SDK1: variants seen among roughly 807,000 people sequenced by gnomAD.
SDK1 encodes protein sidekick-1.
Under a neutral mutation model 245.5 loss-of-function variants are expected in SDK1, and 157 were observed. The ratio of observed to expected loss-of-function variants is 0.64; its 90% CI spans 0.56 to 0.73. The LOEUF is 0.73. Ranked by LOEUF, SDK1 falls within the 30% of genes least tolerant of loss-of-function variation. The pLI, the probability that SDK1 is intolerant of heterozygous loss-of-function variation, is 0.00. For missense variants in SDK1, 3,583 were observed against 3,002.3 expected, an observed-to-expected ratio of 1.19 and a Z score of -4.52; for synonymous variants, 1,647 against 1,278.5, an observed-to-expected ratio of 1.29 and a Z score of -6.15.
chr7:4,061,165 C>G (rs1296689048), intron 19 of SDK1, among the ~76,000 whole-genome samples: 1 of 151,760 alleles, frequency 6.6e-6, no homozygotes, highest in Non-Finnish European at 1.5e-5. Context: ...GTAGTTTTTT[C>G]CAATTCTGTG....
chr7:3,602,992 A>G (rs1034984116), intron 1 of SDK1, among the ~76,000 whole-genome samples: 3 of 152,100 alleles, frequency 2.0e-5, no homozygotes, highest in Non-Finnish European at 4.4e-5. Context: ...AGTTGTAGAT[A>G]TACATGCAGC....
intron 4 of SDK1, among the ~76,000 whole-genome samples, chr7:3,782,808 G>A (rs1780784539): frequency 6.6e-6 from 1 of 152,152 alleles, no homozygotes; most frequent in Admixed American, 6.5e-5. Flanking sequence ...TTATTGTAAA[G>A]TTGAAAAATT....
intron 41 of SDK1, among the ~76,000 whole-genome samples, chr7:4,236,308 C>G (rs1476053000): frequency 6.6e-6 from 1 of 152,206 alleles, no homozygotes; most frequent in African/African-American, 2.4e-5. Context: ...GACCACCCAG[C>G]ACCCATCAAG....
chr7:4,076,906 T>A, intron 20 of SDK1, 92 bp from the exon 21 acceptor site: 1 of 1,145,180 alleles, frequency 8.7e-7, no homozygotes, highest in Non-Finnish European at 1.3e-6. Flanking sequence ...AAGCTCTCCA[T>A]AGCTCCAAGC....
chr7:4,088,149 T>A (rs1256334934), intron 22 of SDK1, among the ~76,000 whole-genome samples: 2 of 152,158 alleles, frequency 1.3e-5, no homozygotes, highest in Admixed American at 1.3e-4. Context: ...ACCTCGGAAG[T>A]CTGTGGCTGC....
At chr7:4,043,381 G>C (rs1281919336) in intron 17 of SDK1, among the ~76,000 whole-genome samples, 2 of 151,754 alleles carry the variant, frequency 1.3e-5, no homozygotes, top group Non-Finnish European at 2.9e-5. Context: ...GAGTGTCACA[G>C]CCAGGGACTC....
At chr7:3,317,715 G>C (rs1277119281) in intron 1 of SDK1, among the ~76,000 whole-genome samples, 1 of 152,166 alleles carries the variant, frequency 6.6e-6, no homozygotes, top group Non-Finnish European at 1.5e-5. Flanking sequence ...TCATGTTTAG[G>C]ATATGAGCAT....
chr7:4,072,532 C>G (rs1406106092), intron 20 of SDK1, among the ~76,000 whole-genome samples: 2 of 152,234 alleles, frequency 1.3e-5, no homozygotes, highest in East Asian at 3.8e-4. Context: ...ACCATGTAGA[C>G]ATAGTTTTCC....
intron 4 of SDK1, among the ~76,000 whole-genome samples, chr7:3,774,274 G>C (rs558407232): frequency 6.6e-5 from 10 of 152,110 alleles, no homozygotes; most frequent in African/African-American, 2.4e-4. Flanking sequence ...CACTTTAGGT[G>C]GTTGGTAGAG....
intron 4 of SDK1, among the ~76,000 whole-genome samples, chr7:3,803,208 A>G (rs1412630346): frequency 6.6e-6 from 1 of 152,094 alleles, no homozygotes; most frequent in Non-Finnish European, 1.5e-5. Context: ...AGTGATGCTC[A>G]ACACTTTTTA....
intron 1 of SDK1, among the ~76,000 whole-genome samples, chr7:3,488,849 G>A (rs1781782245): frequency 1.3e-5 from 2 of 151,930 alleles, no homozygotes; most frequent in Non-Finnish European, 2.9e-5. Flanking sequence ...ACACTCACAT[G>A]AGAGGTTGCA....
intron 26 of SDK1, chr7:4,129,588 T>G: frequency 1.0e-6 from 1 of 1,002,026 alleles, no homozygotes. Context: ...TCTGTGTTCA[T>G]AATCGAGTCT....
intron 1 of SDK1, among the ~76,000 whole-genome samples, chr7:3,350,964 G>A (rs145828800): frequency 6.6e-6 from 1 of 152,184 alleles, no homozygotes; most frequent in Non-Finnish European, 1.5e-5. Flanking sequence ...AACACAATTA[G>A]TGACATCTGG....
intron 1 of SDK1, among the ~76,000 whole-genome samples, chr7:3,585,257 A>G (rs1246823619): frequency 6.6e-6 from 1 of 152,212 alleles, no homozygotes; most frequent in Non-Finnish European, 1.5e-5. Flanking sequence ...GAACTCAGAC[A>G]TTGAGCTTTA....
intron 4 of SDK1, among the ~76,000 whole-genome samples, chr7:3,660,096 G>A (rs1783306669): frequency 6.6e-6 from 1 of 152,072 alleles, no homozygotes; most frequent in Admixed American, 6.6e-5. Flanking sequence ...ACAGAATATT[G>A]GGGACAATTT....
intron 1 of SDK1, among the ~76,000 whole-genome samples, chr7:3,345,668 G>C (rs1780472626): frequency 6.6e-6 from 1 of 152,094 alleles, no homozygotes; most frequent in African/African-American, 2.4e-5. Context: ...TGGTGGCACG[G>C]CTGAAAAGAC....
chr7:3,522,564 C>T (rs1782977597), intron 1 of SDK1, among the ~76,000 whole-genome samples: 1 of 151,924 alleles, frequency 6.6e-6, no homozygotes, highest in African/African-American at 2.4e-5. Flanking sequence ...TGGGTCCTGG[C>T]TCATAGAAGG....
At chr7:3,871,325 G>T (rs930500769) in intron 5 of SDK1, among the ~76,000 whole-genome samples, 1 of 152,148 alleles carries the variant, frequency 6.6e-6, no homozygotes, top group East Asian at 1.9e-4. Context: ...CACAGATTCT[G>T]TGGGAGTTTC....
At chr7:3,559,709 C>A (rs1030621258) in intron 1 of SDK1, among the ~76,000 whole-genome samples, 6 of 149,572 alleles carry the variant, frequency 4.0e-5, no homozygotes, top group African/African-American at 1.5e-4. Context: ...ATATTTGAAC[C>A]TCAAGGTAAC....
Sources: allele counts gnomAD v4.1 joint callset (sites outside exome capture counted in the v4.1 genomes callset), GRCh38; gene constraint gnomAD v4.1.1; transcripts MANE v1.5; gene names NCBI Gene and HGNC (gene_info 2026-07-23, HGNC 2026-07-21).